Variants in PHF19 observed in about 807,000 individuals in gnomAD.
PHF19 encodes polycomb like 3.
Under a neutral mutation model 79.8 loss-of-function variants are expected in PHF19, and 21 were observed. The observed-to-expected ratio is 0.26, with a 90% CI of 0.19 to 0.38. The LOEUF (loss-of-function observed/expected upper bound fraction) is 0.38, where lower values mean the gene tolerates loss of function less well. PHF19 is among the 10% of genes least tolerant of loss of function. PHF19 has a pLI of 1.00. For missense variants in PHF19, 445 were observed against 744.2 expected (o/e 0.60, Z 4.68); for synonymous variants, 273 against 296.3 (o/e 0.92, Z 0.81).
intron 6 of PHF19, among the ~76,000 whole-genome samples, 170 bp from the exon 7 acceptor site, chr9:120,867,135 T>C (rs528322079): frequency 6.6e-6 from 1 of 152,280 alleles, no homozygotes; most frequent in South Asian, 2.1e-4. Flanking sequence ...GGACATATAC[T>C]CTCATTTCAC....
At chr9:120,868,628 C>T in intron 6 of PHF19, 1 of 194,898 alleles carries the variant, frequency 5.1e-6, no homozygotes, top group Non-Finnish European at 9.4e-6. Flanking sequence ...GTGCTAGATG[C>T]CACGCGGAGC....
upstream of PHF19, among the ~76,000 whole-genome samples, chr9:120,896,598 C>T (rs1414617172): frequency 3.3e-5 from 5 of 151,766 alleles, no homozygotes; most frequent in Non-Finnish European, 7.4e-5. Context: ...ACTACAGGCA[C>T]GCGCCACCAC....
chr9:120,877,369 A>G, upstream of PHF19: 1 of 979,924 alleles, frequency 1.0e-6, no homozygotes, highest in Non-Finnish European at 1.2e-6. Context: ...TTATGTAATT[A>G]GCGGGGGCCG....
At chr9:120,880,006 G>A (rs1042833551), upstream of PHF19, among the ~76,000 whole-genome samples, 2 of 152,076 alleles carry the variant, frequency 1.3e-5, no homozygotes, top group Admixed American at 1.3e-4. Context: ...CAATATAGGG[G>A]GGTGGGGGGT....
Position 120,866,757 on chromosome 9 carries a change from T to C in PHF19, c.710+113A>G. Reference sequence around the variant, plus strand: ...CCAGTAAACAGGTAGGCATACATTGTCACAGACCTCCTCTTGTCTGGAGCC... The same window carrying C: ...CCAGTAAACAGGTAGGCATACATTGCCACAGACCTCCTCTTGTCTGGAGCC... On this transcript the variant is annotated intron_variant, in intron 7 of 14. Coordinates refer to ENST00000373896, the MANE Select transcript of PHF19 (RefSeq NM_015651.3). This position sits in a 1 kb window ranked among gnomAD's most constrained non-coding sequence, Gnocchi z 5.2. The C allele has an allele frequency of 1.5e-6, 1 of 688,994 alleles. No homozygotes were observed. Among genetic ancestry groups the C allele is most frequent in the East Asian group, 2.6e-5 (1 of 39,080 alleles). The allele number at this position is 688,994 out of a possible 1,614,324, so 42.7% of individuals were successfully genotyped here.
At chr9:120,898,985 G>A (rs1181913987), upstream of PHF19, among the ~76,000 whole-genome samples, 1 of 151,476 alleles carries the variant, frequency 6.6e-6, no homozygotes, top group Non-Finnish European at 1.5e-5. Flanking sequence ...GATTACCTGA[G>A]GTCGGGAGTT....
In PHF19 at chr9:120,870,775, G is replaced by T. The variant is rs1400456630; in HGVS notation, c.269-237C>A. 1.3e-5 allele frequency among the ~76,000 whole-genome samples: 2 copies of T among 152,206 alleles called. No homozygotes were observed. Among genetic ancestry groups the T allele is most frequent in the African/African-American group, 2.4e-5 (1 of 41,450 alleles). On this transcript the variant is annotated intron_variant, in intron 3 of 14. Coordinates refer to ENST00000373896, the MANE Select transcript of PHF19 (RefSeq NM_015651.3). The surrounding 1 kb of genome is among the most constrained non-coding windows in gnomAD (Gnocchi z 4.4). ...TTAGCTAGTAAGTAGGTGAGGGGGG[G>T]ATTAAACCCATGGCTGTTTGACATC...
chr9:120,862,492 G>T lies in PHF19; in HGVS notation c.1130+96C>A. The T allele has an allele frequency of 9.3e-7, 1 of 1,069,800 alleles. No individual in the cohort carries two copies. Among genetic ancestry groups the T allele is most frequent in the Non-Finnish European group, 1.4e-6 (1 of 708,752 alleles). 66.3% of individuals were successfully genotyped at this position (1,069,800 alleles called of 1,614,324 possible). A position where few individuals can be genotyped will look rare whatever the true frequency, so the allele number is the denominator to read the frequency against. ...TATCTAGCCCTCTCAGGGTCCTACAGCTGGGACTGGCTGGGTGCAGGTCCT... is the reference window on the plus strand; with the variant it reads ...TATCTAGCCCTCTCAGGGTCCTACATCTGGGACTGGCTGGGTGCAGGTCCT... On this transcript the variant is annotated intron_variant, in intron 11 of 14. Coordinates refer to ENST00000373896, the MANE Select transcript of PHF19 (RefSeq NM_015651.3). This position sits in a 1 kb window ranked among gnomAD's most constrained non-coding sequence, Gnocchi z 4.6.
In PHF19 at chr9:120,874,478, C is replaced by T. The variant is rs2045989798; in HGVS notation, c.186+78G>A. 7.1e-6 allele frequency: 7 copies of T among 981,256 alleles called. No individual in the cohort carries two copies. Among genetic ancestry groups the T allele is most frequent in the Non-Finnish European group, 9.5e-6 (6 of 631,782 alleles). The allele number at this position is 981,256 out of a possible 1,614,324, so 60.8% of individuals were successfully genotyped here. The stretch of plus-strand genomic sequence containing the variant: ...GAATTCTCCAGCAATCCCCCTGCCC[C>T]CTGGTCTGACAGCCAGGCTGGAACA... On this transcript the variant is annotated intron_variant, in intron 2 of 14. Coordinates refer to ENST00000373896, the MANE Select transcript of PHF19 (RefSeq NM_015651.3). This position sits in a 1 kb window ranked among gnomAD's most constrained non-coding sequence, Gnocchi z 4.5.
In PHF19 at chr9:120,862,714, C is replaced by A. The variant is rs2045570180; in HGVS notation, c.1004G>T (p.Cys335Phe). 3.1e-6 allele frequency: 5 copies of A among 1,614,038 alleles called. No homozygotes were observed. Among genetic ancestry groups the A allele is most frequent in the Non-Finnish European group, 4.2e-6 (5 of 1,180,008 alleles). Residue 335 changes from cysteine to phenylalanine, a missense_variant, in exon 11 of 15, where the codon TGC becomes TTC. By Grantham distance (205) the Cys-to-Phe change is radical. Transcript: ENST00000373896. The surrounding 1 kb of genome is among the most constrained non-coding windows in gnomAD (Gnocchi z 4.6). ...GACGCGGATGCGCAGGCGGAAGATG[C>A]ACTTCTTCTTCTTGATCTCCTTGCC... ...LCGKEIKKKKCIFRLRIRVPP... is the reference protein window; with the variant it reads ...LCGKEIKKKKFIFRLRIRVPP...
intron 1 of PHF19, among the ~76,000 whole-genome samples, chr9:120,890,507 A>G (rs2046327997): frequency 6.6e-6 from 1 of 152,110 alleles, no homozygotes. Flanking sequence ...AATTTCAGTA[A>G]TTAGCTCTCT....
At chr9:120,871,979 T>C (rs1419961427) in intron 3 of PHF19, among the ~76,000 whole-genome samples, 2 of 129,476 alleles carry the variant, frequency 1.5e-5, no homozygotes, top group Non-Finnish European at 3.1e-5. Flanking sequence ...CAGAGGTTGC[T>C]GTGAGCCGAG....
upstream of PHF19, among the ~76,000 whole-genome samples, chr9:120,897,999 A>G (rs967744103): frequency 2.8e-4 from 42 of 149,500 alleles, 1 homozygote; most frequent in African/African-American, 8.6e-4. Flanking sequence ...AAAAAAAAAA[A>G]GAAATATTAA....
chr9:120,881,248 C>T (rs948793605), upstream of PHF19, among the ~76,000 whole-genome samples: 9 of 150,740 alleles, frequency 6.0e-5, no homozygotes, highest in South Asian at 2.1e-4. Flanking sequence ...CCCGGGTTCA[C>T]GCCCTTCTCC....
intron 1 of PHF19, among the ~76,000 whole-genome samples, chr9:120,892,651 TC>T (rs2131600370): frequency 6.6e-6 from 1 of 152,316 alleles, no homozygotes; most frequent in East Asian, 1.9e-4. Flanking sequence ...TGTATACCTG[TC>T]ATTCCTGGGT....
At position 120,873,606 on chromosome 9, in the gene PHF19, T is replaced by C. The variant is rs530643958; in HGVS notation, c.268+373A>G. Among the ~76,000 whole-genome samples, 7 of 152,368 alleles carry C rather than the reference T, an allele frequency of 4.6e-5. No homozygotes were observed. In the East Asian group the frequency reaches 1.2e-3, roughly 25 times the overall value. On this transcript the variant is annotated intron_variant, in intron 3 of 14. Transcript: ENST00000373896. ...TGCATCTAGAGCTGACAATTCTGAA[T>C]ACCTGGGCACGCCCCCTTTTCTAGC...
intron 3 of PHF19, among the ~76,000 whole-genome samples, chr9:120,872,256 A>C (rs773664669): frequency 1.6e-4 from 24 of 152,140 alleles, no homozygotes; most frequent in Non-Finnish European, 3.1e-4. Flanking sequence ...GAAGCAATGG[A>C]TCAATAACTA....
At chr9:120,903,946 T>A in the PHF19 span, 3 of 152,376 alleles carry the variant, frequency 2.0e-5, no homozygotes, top group South Asian at 6.2e-4. Context: ...TCCCAAACCA[T>A]ACACTTTAGG....
In PHF19 at chr9:120,874,029, G is replaced by A; in HGVS notation, c.218C>T (p.Thr73Ile). ...CCAGTATTTGGAATTATCTTCGAAA[G>A]TCACGAGGCAGCTTTGCTTAGAGCT... ...VSSSKQSCLV[T>I]FEDNSKYWVL... The change falls in exon 3 of 15, where the codon ACT becomes ATT. Residue 73 changes from threonine to isoleucine, a missense_variant. Physicochemically the swap from Thr to Ile is moderately conservative, Grantham distance 89. Around this residue, in one of 5 missense-constraint regions of PHF19, gnomAD observed 167 missense variants for 375.8 expected, o/e 0.44. Transcript: ENST00000373896. This position sits in a 1 kb window ranked among gnomAD's most constrained non-coding sequence, Gnocchi z 4.5. The A allele has an allele frequency of 1.2e-6, 2 of 1,608,400 alleles. No homozygotes were observed. Among genetic ancestry groups the A allele is most frequent in the Non-Finnish European group, 1.7e-6 (2 of 1,175,548 alleles).
Sources: gnomAD v4.1 joint callset for allele counts (sites outside exome capture counted in the v4.1 genomes callset) on GRCh38, gnomAD v4.1.1 for gene constraint, gnomAD v4.1.1 regional missense constraint, Gnocchi (gnomAD v3.1) non-coding constraint, MANE v1.5 for transcripts, NCBI Gene and HGNC (gene_info 2026-07-23, HGNC 2026-07-21) for gene names.